SORCS3: variants seen among roughly 807,000 people sequenced by gnomAD.
The protein encoded by SORCS3 is VPS10 domain-containing receptor SorCS3.
In SORCS3, 57 loss-of-function variants were observed where a neutral mutation model predicts 146.3. The ratio of observed to expected loss-of-function variants is 0.39; its 90% CI spans 0.31 to 0.49. SORCS3 has a LOEUF of 0.49. SORCS3 is among the 20% of genes least tolerant of loss of function. The pLI is 0.92. For synonymous variants in SORCS3, 653 were observed against 618.5 expected, an observed-to-expected ratio of 1.06 and a Z score of -0.83; for missense variants, 1,341 against 1,575.5, an observed-to-expected ratio of 0.85 and a Z score of 2.52.
chr10:104,880,496 A>G (rs1008633936), intron 2 of SORCS3, among the ~76,000 whole-genome samples: 4 of 152,126 alleles, frequency 2.6e-5, no homozygotes, highest in African/African-American at 9.7e-5. Context: ...TAAGGAATAC[A>G]TGTGTTTGAT....
intron 1 of SORCS3, among the ~76,000 whole-genome samples, chr10:104,689,634 A>C (rs567489917): frequency 6.6e-6 from 1 of 152,184 alleles, no homozygotes; most frequent in South Asian, 2.1e-4. Flanking sequence ...CACCTGTTTT[A>C]TCTCTCAGTG....
At chr10:104,867,706 A>G (rs778120343) in intron 2 of SORCS3, among the ~76,000 whole-genome samples, 11 of 152,092 alleles carry the variant, frequency 7.2e-5, no homozygotes, top group Non-Finnish European at 5.9e-5. Context: ...GCCTCATCCC[A>G]GTCCCAGGCC....
chr10:105,118,579 G>A (rs1490630294), intron 7 of SORCS3, among the ~76,000 whole-genome samples: 1 of 152,150 alleles, frequency 6.6e-6, no homozygotes, highest in African/African-American at 2.4e-5. Flanking sequence ...GAAGAAGAAA[G>A]AAGACGTGGA....
intron 1 of SORCS3, among the ~76,000 whole-genome samples, chr10:104,777,511 C>A (rs2017323456): frequency 6.6e-6 from 1 of 152,222 alleles, no homozygotes; most frequent in Non-Finnish European, 1.5e-5. Context: ...TCTTTCCTAC[C>A]TCCCATCTGG....
intron 4 of SORCS3, among the ~76,000 whole-genome samples, chr10:104,981,329 C>T (rs1422148867): frequency 1.3e-5 from 2 of 152,086 alleles, no homozygotes; most frequent in African/African-American, 4.8e-5. Context: ...ATAAGAATTC[C>T]TGAAGTTTAA....
rs2133507170 is a variant in SORCS3, at chr10:104,798,980, C to T, written c.628-43812C>T. Among the ~76,000 whole-genome samples the T allele has an allele frequency of 2.0e-5, 3 of 152,240 alleles. 1 individual carries two copies. Among genetic ancestry groups the T allele is most frequent in the Middle Eastern group, 6.8e-3 (2 of 294 alleles). Reference sequence around the variant, plus strand: ...TCACTGGTCATTAGAGAAATAAAAACCACAGTGAGAGATACTATCTCACGG... The same window carrying T: ...TCACTGGTCATTAGAGAAATAAAAATCACAGTGAGAGATACTATCTCACGG... On this transcript the variant is annotated intron_variant, in intron 1 of 26. Coordinates refer to ENST00000369701, the MANE Select transcript of SORCS3 (RefSeq NM_014978.3).
intron 4 of SORCS3, among the ~76,000 whole-genome samples, chr10:104,982,837 A>T (rs2054939192): frequency 6.6e-6 from 1 of 152,260 alleles, no homozygotes; most frequent in African/African-American, 2.4e-5. Flanking sequence ...GTTCTGAATG[A>T]CAGAACTGGT....
At chr10:104,998,108 GT>G (rs2055038247) in intron 4 of SORCS3, among the ~76,000 whole-genome samples, 1 of 152,100 alleles carries the variant, frequency 6.6e-6, no homozygotes, top group African/African-American at 2.4e-5. Context: ...GGAAAAAGAG[GT>G]TCAGTTGGGA....
Position 105,056,375 on chromosome 10 carries a change from G to T in SORCS3, c.1028+13247G>T, listed in dbSNP as rs567465761. 9.9e-5 allele frequency among the ~76,000 whole-genome samples: 15 copies of T among 152,166 alleles called. No homozygotes were observed. In the South Asian group the frequency reaches 3.1e-3, roughly 32 times the overall value. ...TGTTCTCTGAGGCACAAAATATTTT[G>T]CCCCTCACTCCCAGCAACTCTGTTA... is the stretch of plus-strand genomic sequence containing the variant. On this transcript the variant is annotated intron_variant, in intron 5 of 26. Transcript: ENST00000369701.
intron 1 of SORCS3, among the ~76,000 whole-genome samples, chr10:104,743,829 G>A (rs1195616074): frequency 6.6e-6 from 1 of 152,170 alleles, no homozygotes; most frequent in Non-Finnish European, 1.5e-5. Context: ...TGGAAGCGAG[G>A]TTAGGAACAG....
At chr10:105,062,886 G>A (rs2055497268) in intron 5 of SORCS3, among the ~76,000 whole-genome samples, 1 of 152,148 alleles carries the variant, frequency 6.6e-6, no homozygotes, top group Non-Finnish European at 1.5e-5. Context: ...TTTTGGTGGA[G>A]ATGATGGTCT....
At chr10:105,254,210 G>A (rs1404079257) in intron 23 of SORCS3, among the ~76,000 whole-genome samples, 8 of 152,332 alleles carry the variant, frequency 5.3e-5, no homozygotes, top group African/African-American at 1.9e-4. Flanking sequence ...ACGCAGAGGA[G>A]AGGGCTGGTA....
intron 1 of SORCS3, among the ~76,000 whole-genome samples, chr10:104,839,984 C>T (rs1447179774): frequency 6.6e-6 from 1 of 152,190 alleles, no homozygotes; most frequent in East Asian, 1.9e-4. Flanking sequence ...GTTAGGAGAT[C>T]TTAGCATCAA....
intron 2 of SORCS3, among the ~76,000 whole-genome samples, chr10:104,865,522 C>T (rs996337340): frequency 6.6e-6 from 1 of 151,734 alleles, no homozygotes; most frequent in African/African-American, 2.4e-5. Context: ...AGAGGTTGGA[C>T]CAGAACTAAA....
chr10:104,648,033 C>T (rs1209581442), intron 1 of SORCS3, among the ~76,000 whole-genome samples: 1 of 152,244 alleles, frequency 6.6e-6, no homozygotes, highest in Non-Finnish European at 1.5e-5. Context: ...GTCCTGCCGA[C>T]ATGCTTTGGA....
At chr10:104,665,767 C>T (rs543201022) in intron 1 of SORCS3, 1 of 152,296 alleles carries the variant, frequency 6.6e-6, no homozygotes, top group South Asian at 2.1e-4. Context: ...AGGAATTAAG[C>T]TGGGGCTGGC....
intron 5 of SORCS3, among the ~76,000 whole-genome samples, chr10:105,062,644 G>A (rs2055495569): frequency 1.3e-5 from 2 of 152,148 alleles, no homozygotes; most frequent in African/African-American, 4.8e-5. Context: ...AGAAGGGTGT[G>A]GAAGACCGTC....
At chr10:105,183,963 T>G (rs910532054) in intron 14 of SORCS3, among the ~76,000 whole-genome samples, 5 of 152,232 alleles carry the variant, frequency 3.3e-5, no homozygotes, top group Admixed American at 3.3e-4. Flanking sequence ...CCTATGTGAC[T>G]TTAGTGCCTT....
Position 105,263,440 on chromosome 10 carries a change from A to G in SORCS3, c.*66A>G, listed in dbSNP as rs2056973609. On this transcript the variant is annotated 3_prime_UTR_variant, in exon 27 of 27. Transcript: ENST00000369701. ...ATTTTTGATGATTACTATTACTATTATTATGGAAAAATTAAAATGTCTTTT... is the reference window on the plus strand; with the variant it reads ...ATTTTTGATGATTACTATTACTATTGTTATGGAAAAATTAAAATGTCTTTT... The G allele has an allele frequency of 5.5e-6, 8 of 1,460,172 alleles. No individual in the cohort carries two copies. In the Admixed American group the frequency reaches 1.2e-4, roughly 23 times the overall value. 90.5% of individuals were successfully genotyped at this position (1,460,172 alleles called of 1,614,324 possible). A position where few individuals can be genotyped will look rare whatever the true frequency, so the allele number is the denominator to read the frequency against.
Sources: gnomAD v4.1 joint callset for allele counts (sites outside exome capture counted in the v4.1 genomes callset) on GRCh38, gnomAD v4.1.1 for gene constraint, MANE v1.5 for transcripts, NCBI Gene and HGNC (gene_info 2026-07-23, HGNC 2026-07-21) for gene names.